Variants in AKAP6 observed in about 807,000 individuals in gnomAD.
AKAP6 encodes the protein A-kinase anchoring protein 6.
AKAP6 carries 58 observed loss-of-function variants against 188.5 expected under a neutral mutation model. That is an observed-to-expected ratio of 0.31 (90% CI 0.25 to 0.38). The LOEUF (loss-of-function observed/expected upper bound fraction) is 0.38. Among genes scored for constraint, AKAP6 ranks in the 10% least tolerant of loss-of-function variants. The pLI, the probability that AKAP6 is intolerant of heterozygous loss-of-function variation, is 1.00. For missense variants in AKAP6, 2,710 were observed against 2,740.0 expected, an observed-to-expected ratio of 0.99 and a Z score of 0.24; for synonymous variants, 989 against 998.6, an observed-to-expected ratio of 0.99 and a Z score of 0.18.
chr14:32,446,929 T>C (rs2138759707), intron 2 of AKAP6, among the ~76,000 whole-genome samples: 1 of 152,294 alleles, frequency 6.6e-6, no homozygotes, highest in Non-Finnish European at 1.5e-5. Flanking sequence ...TTGTGGTCTT[T>C]TATTGATTTT....
At chr14:32,341,784 G>C (rs1184245214) in intron 1 of AKAP6, among the ~76,000 whole-genome samples, 1 of 152,188 alleles carries the variant, frequency 6.6e-6, no homozygotes, top group Admixed American at 6.5e-5. Context: ...TTTTAGGGAA[G>C]CTCAGGAGGG....
At chr14:32,451,997 T>C (rs1389735453) in intron 2 of AKAP6, among the ~76,000 whole-genome samples, 1 of 150,142 alleles carries the variant, frequency 6.7e-6, no homozygotes, top group Non-Finnish European at 1.5e-5. Context: ...TCTTTTTCTT[T>C]TTCTTTTCTT....
At chr14:32,778,548 A>G (rs2033139536) in intron 12 of AKAP6, among the ~76,000 whole-genome samples, 1 of 151,136 alleles carries the variant, frequency 6.6e-6, no homozygotes, top group Non-Finnish European at 1.5e-5. Context: ...GGTTTTTTTT[A>G]TTTGTTTGTA....
chr14:32,771,684 C>T (rs2032902251), intron 11 of AKAP6, among the ~76,000 whole-genome samples: 1 of 152,118 alleles, frequency 6.6e-6, no homozygotes, highest in South Asian at 2.1e-4. Flanking sequence ...TTAGTGCCAT[C>T]CATTGCAAAT....
At chr14:32,518,571 G>A (rs993927528) in intron 2 of AKAP6, among the ~76,000 whole-genome samples, 3 of 152,258 alleles carry the variant, frequency 2.0e-5, no homozygotes, top group Admixed American at 6.5e-5. Context: ...TAGCCAATTC[G>A]ATCAAGTGGA....
In AKAP6 at chr14:32,546,915, T is replaced by G; in HGVS notation, c.2262T>G (p.Ser754=). 6.2e-7 allele frequency: 1 copy of G among 1,613,592 alleles called. No individual in the cohort carries two copies. Among genetic ancestry groups the G allele is most frequent in the Non-Finnish European group, 8.5e-7 (1 of 1,180,008 alleles). ...CCTCTGAGAAAAATGAGAGCCATTC[T>G]GCCACTAAATCAGCTTTAATTCAGA... The part of the protein sequence containing the change: ...ASSSEKNESH[S]ATKSALIQKL... Residue 754 remains serine (S), a synonymous_variant, in exon 4 of 14, where the codon TCT becomes TCG. Transcript: ENST00000280979.
chr14:32,776,433 T>C lies in AKAP6; in HGVS notation c.3588+2540T>C, dbSNP rs531907930. Among the ~76,000 whole-genome samples, 9 of 152,330 alleles carry C rather than the reference T, an allele frequency of 5.9e-5. No individual in the cohort carries two copies. The East Asian group carries it at 9.7e-4, about 16-fold the overall frequency. On this transcript the variant is annotated intron_variant, in intron 12 of 13. Transcript: ENST00000280979. ...ATGTGCCTTTTGCCTTCCACCATGATTGTGAGGCCTCCCCAGCCACATGGA... is the reference window on the plus strand; with the variant it reads ...ATGTGCCTTTTGCCTTCCACCATGACTGTGAGGCCTCCCCAGCCACATGGA...
intron 11 of AKAP6, among the ~76,000 whole-genome samples, chr14:32,740,701 T>TG (rs1311498847): frequency 2.0e-5 from 3 of 152,100 alleles, no homozygotes; most frequent in African/African-American, 7.2e-5. Flanking sequence ...AATTCATTTT[T>TG]GGGTTCTCTG....
intron 2 of AKAP6, among the ~76,000 whole-genome samples, chr14:32,446,462 A>G (rs571907688): frequency 6.6e-5 from 10 of 152,254 alleles, no homozygotes; most frequent in African/African-American, 1.9e-4. Context: ...TGTGATCTGC[A>G]TGTATCTCTT....
rs555158047 is a variant in AKAP6 at position 32,427,535 on chromosome 14, G to A, written c.-34-5925G>A. On this transcript the variant is annotated intron_variant, in intron 1 of 13. Transcript: ENST00000280979. ...GCAGCAAGATTTAAAACTAAGTGAC[G>A]AACTAGATCCTCATTCATCTGGCTA... Among the ~76,000 whole-genome samples, 4 of 152,224 alleles carry A rather than the reference G, an allele frequency of 2.6e-5. No homozygotes were observed. In the East Asian group the frequency reaches 5.8e-4, roughly 22 times the overall value.
At chr14:32,516,835 C>A (rs1881546863) in intron 2 of AKAP6, among the ~76,000 whole-genome samples, 2 of 152,172 alleles carry the variant, frequency 1.3e-5, no homozygotes, top group South Asian at 4.1e-4. Flanking sequence ...TAGTAATGAA[C>A]AGCCCTATTG....
rs1227112165 is a variant in AKAP6, at chr14:32,484,978, T to C, written c.325-50576T>C. ...TTTTTCCTGCGGCGGGAGAAGTAGA[T>C]TGAAGCGTTGATTAGGGTGTTTAGC... On this transcript the variant is annotated intron_variant, in intron 2 of 13. Coordinates refer to ENST00000280979, the MANE Select transcript of AKAP6 (RefSeq NM_004274.5). Among the ~76,000 whole-genome samples, 2 of 74,874 alleles carry C rather than the reference T, an allele frequency of 2.7e-5. 1 individual carries two copies. Among genetic ancestry groups the C allele is most frequent in the Non-Finnish European group, 4.4e-5 (2 of 45,384 alleles). The allele number at this position is 74,874 out of a possible 152,430, so 49.1% of individuals were successfully genotyped here. A position where few individuals can be genotyped will look rare whatever the true frequency, so the allele number is the denominator to read the frequency against.
intron 5 of AKAP6, among the ~76,000 whole-genome samples, chr14:32,585,898 G>C (rs1206085810): frequency 1.3e-5 from 2 of 152,138 alleles, no homozygotes; most frequent in Non-Finnish European, 2.9e-5. Context: ...CTAGATTGGA[G>C]TCTCACAGGT....
intron 1 of AKAP6, among the ~76,000 whole-genome samples, chr14:32,397,431 G>A (rs1431770237): frequency 6.8e-6 from 1 of 146,800 alleles, no homozygotes; most frequent in Admixed American, 6.8e-5. Context: ...AGGCTGGAGT[G>A]CAGTAGCGTG....
chr14:32,553,524 G>A (rs1267055101), intron 4 of AKAP6, among the ~76,000 whole-genome samples: 2 of 152,012 alleles, frequency 1.3e-5, no homozygotes, highest in African/African-American at 4.8e-5. Flanking sequence ...TATTCACATG[G>A]TTTTAAATCA....
chr14:32,496,319 G>A (rs1435305128), intron 2 of AKAP6, among the ~76,000 whole-genome samples: 2 of 152,092 alleles, frequency 1.3e-5, no homozygotes, highest in African/African-American at 4.8e-5. Context: ...GAGATTCACT[G>A]ATGGTGCATA....
intron 1 of AKAP6, among the ~76,000 whole-genome samples, chr14:32,343,765 A>G (rs1411521914): frequency 4.6e-5 from 7 of 150,860 alleles, no homozygotes; most frequent in Admixed American, 1.3e-4. Flanking sequence ...AAAAAAAAAA[A>G]AAAAAAAGAA....
chr14:32,548,905 C>G (rs1435274306), intron 4 of AKAP6, among the ~76,000 whole-genome samples: 1 of 151,986 alleles, frequency 6.6e-6, no homozygotes, highest in South Asian at 2.1e-4. Context: ...TTTTTTTGTT[C>G]TGTTTTTTGT....
intron 7 of AKAP6, among the ~76,000 whole-genome samples, chr14:32,601,406 G>T (rs1885923080): frequency 6.6e-6 from 1 of 152,138 alleles, no homozygotes; most frequent in African/African-American, 2.4e-5. Flanking sequence ...GATGTGTTTT[G>T]GTTATTCATT....
Sources: gnomAD v4.1 joint callset for allele counts (sites outside exome capture counted in the v4.1 genomes callset) on GRCh38, gnomAD v4.1.1 for gene constraint, MANE v1.5 for transcripts, NCBI Gene and HGNC (gene_info 2026-07-23, HGNC 2026-07-21) for gene names.